Variants in TEAD1 observed in about 807,000 individuals in gnomAD.
TEAD1 encodes transcriptional enhancer factor TEF-1.
A neutral mutation model predicts 54.9 loss-of-function variants in TEAD1; 9 were observed. The ratio of observed to expected loss-of-function variants is 0.16; its 90% CI spans 0.10 to 0.29. TEAD1 has a LOEUF of 0.29. Among genes scored for constraint, TEAD1 ranks in the 10% least tolerant of loss-of-function variants. The pLI, the probability that TEAD1 is intolerant of heterozygous loss-of-function variation, is 1.00. For synonymous variants in TEAD1, 200 were observed against 187.8 expected (o/e 1.07, Z -0.53); for missense variants, 387 against 535.9 (o/e 0.72, Z 2.74).
At chr11:12,683,692 A>G (rs965291687) in intron 2 of TEAD1, among the ~76,000 whole-genome samples, 2 of 152,192 alleles carry the variant, frequency 1.3e-5, no homozygotes, top group Non-Finnish European at 2.9e-5. Context: ...TAACCCTCGC[A>G]TATCGATACG....
chr11:12,866,187 G>A (rs1170300256), intron 5 of TEAD1, among the ~76,000 whole-genome samples: 1 of 152,198 alleles, frequency 6.6e-6, no homozygotes. Context: ...AACCAAAGGT[G>A]CAATACTCTC....
intron 6 of TEAD1, among the ~76,000 whole-genome samples, 160 bp downstream of exon 6, chr11:12,880,002 TAAGG>T (rs1199021239): frequency 6.8e-6 from 1 of 146,530 alleles, no homozygotes; most frequent in Admixed American, 6.8e-5. Flanking sequence ...GTGGTGAAAG[TAAGG>T]AGGGAAGGGA....
rs116650299 is a variant in TEAD1, at chr11:12,930,407, G to A, written c.1167+81G>A. On this transcript the variant is annotated intron_variant, in intron 12 of 12. Transcript: ENST00000527636. ...AGTGAGGAAGGTGGGCCTGGGAGGC[G>A]CTGGGCCTGCGCCGAGGGAACTGAC... The A allele has an allele frequency of 1.5e-3, 2,357 of 1,559,816 alleles. 24 individuals carry two copies. In the African/African-American group the frequency reaches 0.029, roughly 19 times the overall value.
intron 12 of TEAD1, among the ~76,000 whole-genome samples, chr11:12,934,305 G>T (rs983450635): frequency 6.6e-6 from 1 of 152,004 alleles, no homozygotes; most frequent in African/African-American, 2.4e-5. Flanking sequence ...ACCAAACACC[G>T]CATGTTCTCA....
At chr11:12,724,802 A>T (rs1226560322) in intron 2 of TEAD1, among the ~76,000 whole-genome samples, 1 of 152,056 alleles carries the variant, frequency 6.6e-6, no homozygotes, top group Non-Finnish European at 1.5e-5. Flanking sequence ...CTTTCCTTGG[A>T]AGGCTGGCTC....
chr11:12,857,088 T>C (rs1351394606), intron 3 of TEAD1, among the ~76,000 whole-genome samples: 2 of 152,222 alleles, frequency 1.3e-5, no homozygotes, highest in Non-Finnish European at 2.9e-5. Flanking sequence ...TCCATGCCTT[T>C]CTTCTGGGAT....
At chr11:12,914,373 G>A (rs560272950) in intron 10 of TEAD1, among the ~76,000 whole-genome samples, 1 of 152,138 alleles carries the variant, frequency 6.6e-6, no homozygotes, top group Non-Finnish European at 1.5e-5. Context: ...GAAGAGCCAC[G>A]GCTGAGTTTA....
chr11:12,730,556 A>C (rs1238884790), intron 2 of TEAD1, among the ~76,000 whole-genome samples: 4 of 151,068 alleles, frequency 2.6e-5, no homozygotes, highest in African/African-American at 9.7e-5. Flanking sequence ...TGTGGTTTCT[A>C]GAGCAGCGAT....
chr11:12,856,502 A>C (rs2134059338), intron 3 of TEAD1, among the ~76,000 whole-genome samples: 1 of 152,260 alleles, frequency 6.6e-6, no homozygotes, highest in East Asian at 1.9e-4. Flanking sequence ...GGGCAAGGAC[A>C]GTACAGGCCA....
At chr11:12,828,013 A>G (rs1329150593) in intron 3 of TEAD1, 3 of 152,234 alleles carry the variant, frequency 2.0e-5, no homozygotes, top group Non-Finnish European at 4.4e-5. Context: ...AGTTGGTGAG[A>G]CTTTAGACAA....
chr11:12,920,004 A>G (rs1948775572), intron 10 of TEAD1, among the ~76,000 whole-genome samples: 1 of 152,202 alleles, frequency 6.6e-6, no homozygotes, highest in Admixed American at 6.5e-5. Flanking sequence ...AGATTTGTCA[A>G]TGAGCAACAA....
intron 2 of TEAD1, among the ~76,000 whole-genome samples, chr11:12,680,396 C>G (rs1943193631): frequency 6.6e-6 from 1 of 152,242 alleles, no homozygotes; most frequent in South Asian, 2.1e-4. Context: ...AACCAAATGA[C>G]TTCATTTGCT....
At chr11:12,828,678 A>ATTT (rs34495066) in intron 3 of TEAD1, among the ~76,000 whole-genome samples, 9 of 140,908 alleles carry the variant, frequency 6.4e-5, no homozygotes, top group South Asian at 4.5e-4. Context: ...TAACTGAGTG[A>ATTT]TTTTTTTTTT....
At chr11:12,680,928 A>G (rs888396176) in intron 2 of TEAD1, among the ~76,000 whole-genome samples, 3 of 152,218 alleles carry the variant, frequency 2.0e-5, no homozygotes, top group Middle Eastern at 3.4e-3. Flanking sequence ...GCTTATCAAT[A>G]GCATTTTGAT....
intron 2 of TEAD1, among the ~76,000 whole-genome samples, chr11:12,750,773 C>A (rs980427768): frequency 3.2e-4 from 49 of 152,188 alleles, no homozygotes; most frequent in African/African-American, 1.1e-3. Context: ...TAATACTTGG[C>A]CTGTGAGTCT....
chr11:12,896,009 A>C (rs1417144524), intron 9 of TEAD1, among the ~76,000 whole-genome samples: 1 of 138,010 alleles, frequency 7.2e-6, no homozygotes, highest in Non-Finnish European at 1.5e-5. Flanking sequence ...TCTTCCTTTC[A>C]GTCACCCTAT....
chr11:12,821,961 C>CTTTTCCTTTTTTTTTTTTTTTTT (rs1946556887), intron 3 of TEAD1, among the ~76,000 whole-genome samples: 1 of 68,084 alleles, frequency 1.5e-5, no homozygotes, highest in Non-Finnish European at 2.5e-5. Flanking sequence ...TTCTCTTTTC[C>CTTTTCCTTTTTTTTTTTTTTTTT]TTTTTTTTTT....
intron 12 of TEAD1, among the ~76,000 whole-genome samples, chr11:12,936,586 C>T (rs11022564): frequency 0.41 from 61,587 of 151,986 alleles, 12,692 homozygotes; most frequent in African/African-American, 0.45. Context: ...CAAAGAAGTA[C>T]GTGAAGTGCT....
chr11:12,784,396 T>C (rs371665162), intron 3 of TEAD1, among the ~76,000 whole-genome samples: 1 of 152,106 alleles, frequency 6.6e-6, no homozygotes, highest in East Asian at 1.9e-4. Flanking sequence ...TTGAGAACAG[T>C]TTGGAAAACA....
Sources: allele counts gnomAD v4.1 joint callset (sites outside exome capture counted in the v4.1 genomes callset), GRCh38; gene constraint gnomAD v4.1.1; transcripts MANE v1.5; gene names NCBI Gene and HGNC (gene_info 2026-07-23, HGNC 2026-07-21).